Variants in ZNF827 observed in about 807,000 individuals in gnomAD.
ZNF827 encodes the protein zinc finger protein 827.
Under a neutral mutation model 102.4 loss-of-function variants are expected in ZNF827, and 13 were observed. The ratio of observed to expected loss-of-function variants is 0.13; its 90% CI spans 0.08 to 0.20. The LOEUF (loss-of-function observed/expected upper bound fraction) is 0.20, where lower values mean the gene tolerates loss of function less well. Ranked by LOEUF, ZNF827 falls within the 10% of genes least tolerant of loss-of-function variation. The pLI is 1.00. For synonymous variants in ZNF827, 523 were observed against 536.2 expected (o/e 0.98, Z 0.34); for missense variants, 1,103 against 1,344.4 (o/e 0.82, Z 2.81).
chr4:145,885,846 T>C lies in ZNF827; in HGVS notation c.1579A>G (p.Lys527Glu). The change falls in exon 4 of 15, where the codon AAG becomes GAG. Residue 527 changes from lysine (K) to glutamate (E), a missense_variant. Physicochemically the swap from Lys to Glu is moderately conservative, Grantham distance 56. Coordinates refer to ENST00000508784, the MANE Select transcript of ZNF827 (RefSeq NM_001306215.2). ...VSPLLVKEEP[K>E]EDNGLPTSFT... ...GAGGTGGGCAGGCCGTTATCTTCCT[T>C]GGGTTCCTCCTTCACCAGCAAAGGC... 1 of 1,614,218 alleles carries C rather than the reference T, an allele frequency of 6.2e-7. No individual in the cohort carries two copies. The highest frequency in any genetic ancestry group is 1.1e-5 in the South Asian group (1 of 91,084).
intron 9 of ZNF827, among the ~76,000 whole-genome samples, chr4:145,777,176 T>C (rs1426681232): frequency 6.6e-6 from 1 of 152,258 alleles, no homozygotes; most frequent in Non-Finnish European, 1.5e-5. Context: ...AGGGCTGGCA[T>C]CTGGGCTCAG....
chr4:145,872,862 G>A (rs1018976960), intron 4 of ZNF827, among the ~76,000 whole-genome samples: 20 of 150,950 alleles, frequency 1.3e-4, no homozygotes, highest in South Asian at 2.1e-4. Flanking sequence ...GTGACGGAGC[G>A]AGATTCTGTC....
chr4:145,775,209 C>A (rs1156923968), intron 10 of ZNF827, among the ~76,000 whole-genome samples: 3 of 152,168 alleles, frequency 2.0e-5, no homozygotes, highest in Admixed American at 6.5e-5. Flanking sequence ...ACATTTCCTG[C>A]AAAAGCAAGT....
chr4:145,839,853 G>C (rs1344149218), intron 7 of ZNF827, among the ~76,000 whole-genome samples: 7 of 152,222 alleles, frequency 4.6e-5, no homozygotes, highest in Non-Finnish European at 1.0e-4. Flanking sequence ...AGATGGGAGT[G>C]TCCATGGGAA....
intron 4 of ZNF827, among the ~76,000 whole-genome samples, chr4:145,873,617 A>G (rs1016932810): frequency 1.3e-5 from 2 of 152,244 alleles, no homozygotes; most frequent in African/African-American, 2.4e-5. Flanking sequence ...GGACAATGCC[A>G]TATGAATCTG....
intron 8 of ZNF827, among the ~76,000 whole-genome samples, chr4:145,805,791 C>A (rs182796670): frequency 8.5e-5 from 13 of 152,190 alleles, no homozygotes; most frequent in South Asian, 4.2e-4. Flanking sequence ...GTCACTTCCG[C>A]GGTCAAGCTC....
rs1443704094 is a variant in ZNF827 at position 145,758,275 on chromosome 4, A to C, written c.*3341T>G. 1 of 152,212 alleles carries C rather than the reference A, an allele frequency of 6.6e-6. No homozygotes were observed. The highest frequency in any genetic ancestry group is 1.5e-5 in the Non-Finnish European group (1 of 68,040). The allele number at this position is 152,212 out of a possible 1,614,324, so 9.4% of individuals were successfully genotyped here. A position where few individuals can be genotyped will look rare whatever the true frequency, so the allele number is the denominator to read the frequency against. ...TCATTCAAATACAAGTTCAGTGGCAAGCAGTGAAATGCATGGCATTTGAGC... is the reference window on the plus strand; with the variant it reads ...TCATTCAAATACAAGTTCAGTGGCACGCAGTGAAATGCATGGCATTTGAGC... On this transcript the variant is annotated 3_prime_UTR_variant, in exon 15 of 15. Transcript: ENST00000508784.
chr4:145,901,347 C>T (rs1458662018), intron 2 of ZNF827, among the ~76,000 whole-genome samples: 2 of 152,152 alleles, frequency 1.3e-5, no homozygotes, highest in Non-Finnish European at 2.9e-5. Flanking sequence ...CAAACCAGAA[C>T]AAGAAATGGT....
At chr4:145,907,237 T>C (rs143811637) in intron 1 of ZNF827, 1 of 456,060 alleles carries the variant, frequency 2.2e-6, no homozygotes, top group East Asian at 7.0e-5. Context: ...GGCTCCTCTA[T>C]TTTCATGTCC....
At chr4:145,820,714 C>T (rs912129974) in intron 8 of ZNF827, among the ~76,000 whole-genome samples, 11 of 152,214 alleles carry the variant, frequency 7.2e-5, no homozygotes, top group Admixed American at 6.5e-5. Flanking sequence ...CTCAGGCCCT[C>T]ATTAATAAAG....
At chr4:145,768,549 A>G (rs1022257796) in intron 11 of ZNF827, among the ~76,000 whole-genome samples, 6 of 152,062 alleles carry the variant, frequency 3.9e-5, no homozygotes, top group African/African-American at 9.7e-5. Flanking sequence ...TAAGATGTCA[A>G]TTATCCACAG....
chr4:145,827,953 C>T (rs1265417222), intron 7 of ZNF827, among the ~76,000 whole-genome samples: 1 of 152,166 alleles, frequency 6.6e-6, no homozygotes, highest in Non-Finnish European at 1.5e-5. Context: ...TCAGGTGACA[C>T]CCAGCTTTGC....
At chr4:145,795,340 G>A (rs1414978582) in intron 8 of ZNF827, among the ~76,000 whole-genome samples, 1 of 152,136 alleles carries the variant, frequency 6.6e-6, no homozygotes, top group Non-Finnish European at 1.5e-5. Context: ...TAGAGATGGG[G>A]TTTCACCATG....
intron 6 of ZNF827, among the ~76,000 whole-genome samples, chr4:145,847,853 A>C (rs562157996): frequency 2.0e-5 from 3 of 152,240 alleles, no homozygotes; most frequent in African/African-American, 7.2e-5. Context: ...TTGTACTGCT[A>C]GTCTGAAGCC....
chr4:145,780,415 T>C (rs1424584234), intron 8 of ZNF827, among the ~76,000 whole-genome samples: 2 of 152,186 alleles, frequency 1.3e-5, no homozygotes, highest in Admixed American at 6.5e-5. Flanking sequence ...AATTCCCTAA[T>C]GCAAGAATGA....
At position 145,902,691 on chromosome 4, in the gene ZNF827, T is replaced by G. The variant is rs556855438; in HGVS notation, c.568A>C (p.Ile190Leu). The change falls in exon 2 of 15, where the codon ATA becomes CTA. Residue 190 changes from isoleucine to leucine, a missense_variant. By Grantham distance (5) the Ile-to-Leu change is conservative. Transcript: ENST00000508784. This position sits in a 1 kb window ranked among gnomAD's most constrained non-coding sequence, Gnocchi z 4.3. ...NDQYTPSNRF[I>L]WNQGKWLPNS... Reference sequence around the variant, plus strand: ...GGCAACCACTTACCTTGATTCCATATAAAACGGTTACTTGGAGTGTATTGG... The same window carrying G: ...GGCAACCACTTACCTTGATTCCATAGAAAACGGTTACTTGGAGTGTATTGG... The G allele has an allele frequency of 6.2e-7, 1 of 1,613,960 alleles. No homozygotes were observed. Among genetic ancestry groups the G allele is most frequent in the Non-Finnish European group, 8.5e-7 (1 of 1,180,022 alleles).
chr4:145,924,883 CT>C (rs1348079221), intron 1 of ZNF827, among the ~76,000 whole-genome samples: 5 of 152,128 alleles, frequency 3.3e-5, no homozygotes, highest in African/African-American at 7.2e-5. Context: ...CATAAATGAA[CT>C]TTTGGTTTAT....
intron 8 of ZNF827, among the ~76,000 whole-genome samples, chr4:145,791,471 A>G (rs896021276): frequency 6.6e-6 from 1 of 152,210 alleles, no homozygotes; most frequent in Admixed American, 6.5e-5. Context: ...GAGAGGAGGA[A>G]AGGGATTATT....
intron 7 of ZNF827, among the ~76,000 whole-genome samples, chr4:145,843,148 T>C (rs1371689319): frequency 1.3e-5 from 2 of 150,922 alleles, no homozygotes; most frequent in Non-Finnish European, 2.9e-5. Flanking sequence ...CTATTCCACC[T>C]GAAGTAATAA....
Sources: allele counts gnomAD v4.1 joint callset (sites outside exome capture counted in the v4.1 genomes callset), GRCh38; gene constraint gnomAD v4.1.1; non-coding constraint Gnocchi (gnomAD v3.1); transcripts MANE v1.5; gene names NCBI Gene and HGNC (gene_info 2026-07-23, HGNC 2026-07-21).